The following BRSK2 variants were observed in gnomAD, a reference collection of about 807,000 sequenced individuals.
BRSK2 encodes the protein serine/threonine-protein kinase BRSK2.
In BRSK2, 19 loss-of-function variants were observed where a neutral mutation model predicts 83.3. That is an observed-to-expected ratio of 0.23 (90% CI 0.16 to 0.33). The LOEUF (loss-of-function observed/expected upper bound fraction) is 0.33. Among genes scored for constraint, BRSK2 ranks in the 10% least tolerant of loss-of-function variants. The probability of loss-of-function intolerance (pLI) is 1.00; values close to 1 mark genes in which losing one functional copy is unlikely to be tolerated. For synonymous variants in BRSK2, 519 were observed against 435.4 expected (o/e 1.19, Z -2.39); for missense variants, 798 against 1,042.3 (o/e 0.77, Z 3.23).
At chr11:1,456,903 G>T in intron 18 of BRSK2, 1 of 1,575,038 alleles carries the variant, frequency 6.3e-7, no homozygotes. Flanking sequence ...TGCACGCCAG[G>T]GACATAGGGC....
intron 1 of BRSK2, among the ~76,000 whole-genome samples, chr11:1,414,606 T>A (rs528025111): frequency 6.6e-6 from 1 of 152,364 alleles, no homozygotes; most frequent in Admixed American, 6.5e-5. Flanking sequence ...TGAATTTTTT[T>A]AATTAAAATG....
At chr11:1,451,846 GGCCCC>G (rs1845855991) in intron 15 of BRSK2, among the ~76,000 whole-genome samples, 1 of 152,170 alleles carries the variant, frequency 6.6e-6, no homozygotes, top group East Asian at 1.9e-4. Flanking sequence ...GCCGAGGTCT[GGCCCC>G]GCCGCCTTTC....
In BRSK2 at chr11:1,389,967, T is replaced by TGCGCTGGGGGCGCGGG. The variant is rs1845620334; in HGVS notation, c.-313_-298dup. The TGCGCTGGGGGCGCGGG allele has an allele frequency of 2.0e-5, 3 of 147,694 alleles. No homozygotes were observed. The highest frequency in any genetic ancestry group is 1.4e-4 in the Admixed American group (2 of 14,798). 9.1% of individuals were successfully genotyped at this position (147,694 alleles called of 1,614,324 possible). On this transcript the variant is annotated 5_prime_UTR_variant, in exon 1 of 20. Coordinates refer to ENST00000528841, the MANE Select transcript of BRSK2 (RefSeq NM_001256627.2). This position sits in a 1 kb window ranked among gnomAD's most constrained non-coding sequence, Gnocchi z 4.1. ...TCGGCTGCGCGGCCGCTGACGGGCG[T>TGCGCTGGGGGCGCGGG]GCGCTGGGGGCGCGGGGCGCGGGGC...
At chr11:1,445,955 G>A (rs777411168) in intron 12 of BRSK2, 48 bp downstream of exon 12, 15 of 1,551,114 alleles carry the variant, frequency 9.7e-6, no homozygotes, top group Admixed American at 3.7e-5. Context: ...GGCCCTGGCT[G>A]CGCGGCACTG....
chr11:1,459,365 A>T (rs1029467361), intron 19 of BRSK2, 126 bp downstream of exon 19: 3 of 1,043,054 alleles, frequency 2.9e-6, no homozygotes, highest in African/African-American at 3.1e-5. Flanking sequence ...GGCACCCAGC[A>T]GCCCAGATGT....
rs548373339 is a variant in BRSK2, at chr11:1,461,741, CTTT to C, written c.*1024_*1026del. On this transcript the variant is annotated 3_prime_UTR_variant, in exon 20 of 20. Transcript: ENST00000528841. ...AATTCCTGCAAGATATTTTTATAAA[CTTT>C]TTTTTCTTGGTGGTTTTTGGAAAAG... 2 of 143,128 alleles carry C rather than the reference CTTT, an allele frequency of 1.4e-5. No homozygotes were observed. Among genetic ancestry groups the C allele is most frequent in the Non-Finnish European group, 3.0e-5 (2 of 65,878 alleles). The allele number at this position is 143,128 out of a possible 1,614,324, so 8.9% of individuals were successfully genotyped here.
chr11:1,418,671 T>C (rs2134175434), intron 1 of BRSK2, among the ~76,000 whole-genome samples: 1 of 152,400 alleles, frequency 6.6e-6, no homozygotes, highest in South Asian at 2.1e-4. Context: ...GGGGTCCCAT[T>C]TCCCCACCTC....
At position 1,438,715 on chromosome 11, in the gene BRSK2, C is replaced by A. The variant is rs1477811908; in HGVS notation, c.272+324C>A. On this transcript the variant is annotated intron_variant, in intron 3 of 19. Coordinates refer to ENST00000528841, the MANE Select transcript of BRSK2 (RefSeq NM_001256627.2). This position sits in a 1 kb window ranked among gnomAD's most constrained non-coding sequence, Gnocchi z 6.4. Reference sequence around the variant, plus strand: ...AGGGGCAGGAGCACCTGGCCCTCCCCACATGGCCACGCTGAGCCTCCTGGC... The same window carrying A: ...AGGGGCAGGAGCACCTGGCCCTCCCAACATGGCCACGCTGAGCCTCCTGGC... Among the ~76,000 whole-genome samples, 3 of 152,138 alleles carry A rather than the reference C, an allele frequency of 2.0e-5. No individual in the cohort carries two copies. The highest frequency in any genetic ancestry group is 4.4e-5 in the Non-Finnish European group (3 of 67,998).
At chr11:1,402,470 C>G (rs1407893925) in intron 1 of BRSK2, among the ~76,000 whole-genome samples, 1 of 152,226 alleles carries the variant, frequency 6.6e-6, no homozygotes, top group South Asian at 2.1e-4. Flanking sequence ...CTGAGCCCCG[C>G]CTCCGGGGAG....
At chr11:1,453,239 G>A (rs995000925) in intron 15 of BRSK2, among the ~76,000 whole-genome samples, 1 of 152,276 alleles carries the variant, frequency 6.6e-6, no homozygotes, top group African/African-American at 2.4e-5. Flanking sequence ...GGGTGCTGGA[G>A]TCACAGTGCA....
chr11:1,435,893 C>T, intron 1 of BRSK2, 147 bp from the exon 2 acceptor site: 1 of 590,892 alleles, frequency 1.7e-6, no homozygotes. Context: ...GGACAGCGAC[C>T]CAGGCGGGCA....
chr11:1,400,486 T>C (rs4074035), intron 1 of BRSK2, among the ~76,000 whole-genome samples: 64,347 of 151,894 alleles, frequency 0.42, 14,265 homozygotes, highest in Middle Eastern at 0.53. Context: ...TCTTCCATAA[T>C]CCCTGACCCT....
intron 15 of BRSK2, among the ~76,000 whole-genome samples, chr11:1,452,497 A>G (rs889363193): frequency 1.1e-4 from 17 of 152,242 alleles, no homozygotes; most frequent in Admixed American, 5.9e-4. Flanking sequence ...CAAAGCCGAG[A>G]AGGTGGCTTT....
intron 19 of BRSK2, among the ~76,000 whole-genome samples, 179 bp from the exon 20 acceptor site, chr11:1,460,321 C>G (rs1847267979): frequency 6.6e-6 from 1 of 152,114 alleles, no homozygotes; most frequent in South Asian, 2.1e-4. Flanking sequence ...TTGCCGCCCA[C>G]CGGTCCCCGC....
In BRSK2 at chr11:1,440,100, T is replaced by TC. The variant is rs532580259; in HGVS notation, c.273-681dup. On this transcript the variant is annotated intron_variant, in intron 3 of 19. Coordinates refer to ENST00000528841, the MANE Select transcript of BRSK2 (RefSeq NM_001256627.2). ...CCAGGGGCCACCACCCTCACAGGCCTCCCCCCCGAGCTGGTTCAGCCTGGG... is the reference window on the plus strand; with the variant it reads ...CCAGGGGCCACCACCCTCACAGGCCTCCCCCCCCGAGCTGGTTCAGCCTGGG... Among the ~76,000 whole-genome samples, 49 of 151,802 alleles carry TC rather than the reference T, an allele frequency of 3.2e-4. No homozygotes were observed. The East Asian group carries it at 3.9e-3, about 12-fold the overall frequency.
intron 13 of BRSK2, among the ~76,000 whole-genome samples, chr11:1,450,364 C>T (rs1202449971): frequency 2.6e-5 from 4 of 152,258 alleles, no homozygotes; most frequent in Non-Finnish European, 4.4e-5. Context: ...CCCTGCGGCC[C>T]GACCCCAAGA....
rs1017242478 is a variant in BRSK2 at position 1,447,650 on chromosome 11, T to C, written c.1226+1743T>C. 67 of 744,390 alleles carry C rather than the reference T, an allele frequency of 9.0e-5. 1 individual carries two copies. The highest frequency in any genetic ancestry group is 2.1e-5 in the Admixed American group (1 of 48,046). 46.1% of individuals were successfully genotyped at this position (744,390 alleles called of 1,614,324 possible). On this transcript the variant is annotated intron_variant, in intron 12 of 19. Coordinates refer to ENST00000528841, the MANE Select transcript of BRSK2 (RefSeq NM_001256627.2). The stretch of plus-strand genomic sequence containing the variant: ...CAGTCACACGGTGCGGGGTGTGCTG[T>C]CTGGCCCAGCCTCCTCTCTCGCCAT...
intron 1 of BRSK2, among the ~76,000 whole-genome samples, chr11:1,419,741 C>G (rs1384264797): frequency 1.3e-5 from 2 of 152,194 alleles, no homozygotes; most frequent in Admixed American, 1.3e-4. Flanking sequence ...GAAACCCCGT[C>G]TCTACTAAAA....
intron 1 of BRSK2, among the ~76,000 whole-genome samples, chr11:1,401,831 C>T (rs1470260089): frequency 2.6e-5 from 4 of 152,242 alleles, no homozygotes; most frequent in Non-Finnish European, 4.4e-5. Flanking sequence ...CCCGCGAGGG[C>T]GCCTGCCTTG....
Sources: allele counts gnomAD v4.1 joint callset (sites outside exome capture counted in the v4.1 genomes callset), GRCh38; gene constraint gnomAD v4.1.1; non-coding constraint Gnocchi (gnomAD v3.1); transcripts MANE v1.5; gene names NCBI Gene and HGNC (gene_info 2026-07-23, HGNC 2026-07-21).